Variants in PRDM5 observed in about 807,000 individuals in gnomAD.
PRDM5 encodes PR domain zinc finger protein 5.
In PRDM5, 56 loss-of-function variants were observed where a neutral mutation model predicts 81.2. The observed-to-expected ratio is 0.69, with a 90% CI of 0.56 to 0.86. The LOEUF (loss-of-function observed/expected upper bound fraction) is 0.86, where lower values mean the gene tolerates loss of function less well. PRDM5 is among the 40% of genes least tolerant of loss of function. PRDM5 has a pLI of 0.00. For synonymous variants in PRDM5, 267 were observed against 256.4 expected (o/e 1.04, Z -0.39); for missense variants, 697 against 770.1 (o/e 0.91, Z 1.12).
At chr4:120,865,340 A>C (rs949636152) in intron 2 of PRDM5, among the ~76,000 whole-genome samples, 7 of 152,230 alleles carry the variant, frequency 4.6e-5, no homozygotes, top group African/African-American at 1.7e-4. Flanking sequence ...CTGTTTAAGA[A>C]GAGTAGGGAC....
chr4:120,845,297 T>C (rs1172968835), intron 3 of PRDM5, among the ~76,000 whole-genome samples: 1 of 152,232 alleles, frequency 6.6e-6, no homozygotes, highest in Non-Finnish European at 1.5e-5. Flanking sequence ...AGAATTTTCA[T>C]GGCGAGAGAG....
chr4:120,839,253 CG>C (rs1561448023), intron 3 of PRDM5: 1 of 703,104 alleles, frequency 1.4e-6, no homozygotes, highest in Admixed American at 2.0e-5. Flanking sequence ...CCTCGCCATT[CG>C]GCGGGTCCCA....
At chr4:120,718,203 TTAA>T (rs1277854115) in intron 14 of PRDM5, among the ~76,000 whole-genome samples, 2 of 152,200 alleles carry the variant, frequency 1.3e-5, no homozygotes, top group Admixed American at 1.3e-4. Context: ...GTGTATGCAC[TTAA>T]TGAAATAATT....
intron 15 of PRDM5, among the ~76,000 whole-genome samples, chr4:120,701,620 C>A (rs540956325): frequency 6.6e-6 from 1 of 151,796 alleles, no homozygotes; most frequent in African/African-American, 2.4e-5. Flanking sequence ...TAAGTGGGAG[C>A]TAAACATTAA....
In PRDM5 at chr4:120,741,640, C is replaced by G. The variant is rs568202069; in HGVS notation, c.1623+12913G>C. Among the ~76,000 whole-genome samples the G allele has an allele frequency of 7.2e-5, 11 of 152,178 alleles. No homozygotes were observed. The South Asian group carries it at 1.7e-3, about 23-fold the overall frequency. ...GAAGCACAAAGGGTCAGGGAGTTCCCTTTCCTAATCAAAGAAAGGGGTGAC... is the reference window on the plus strand; with the variant it reads ...GAAGCACAAAGGGTCAGGGAGTTCCGTTTCCTAATCAAAGAAAGGGGTGAC... On this transcript the variant is annotated intron_variant, in intron 14 of 15. Coordinates refer to ENST00000264808, the MANE Select transcript of PRDM5 (RefSeq NM_018699.4).
rs1560874927 is a variant in PRDM5 at position 120,695,189 on chromosome 4, C to T, written c.1815G>A (p.Gln605=). The change falls in exon 16 of 16, where the codon CAG becomes CAA. Residue 605 remains glutamine, a synonymous_variant. Coordinates refer to ENST00000264808, the MANE Select transcript of PRDM5 (RefSeq NM_018699.4). ...HNPNRPLAEC[Q]FCHKKFTRND... ...TCCTTGTAAACTTCTTATGGCAAAA[C>T]TGGCATTCTGCCAGGGGACGATTGG... 1 of 1,613,654 alleles carries T rather than the reference C, an allele frequency of 6.2e-7. No individual in the cohort carries two copies. Among genetic ancestry groups the T allele is most frequent in the South Asian group, 1.1e-5 (1 of 91,082 alleles).
At chr4:120,791,093 T>C (rs1750505151) in intron 10 of PRDM5, among the ~76,000 whole-genome samples, 1 of 152,160 alleles carries the variant, frequency 6.6e-6, no homozygotes, top group African/African-American at 2.4e-5. Flanking sequence ...TTTTATACAC[T>C]GTTAAGAGAA....
intron 10 of PRDM5, among the ~76,000 whole-genome samples, chr4:120,785,677 A>G (rs1749677582): frequency 6.6e-6 from 1 of 152,188 alleles, no homozygotes; most frequent in Admixed American, 6.6e-5. Context: ...AACACTTTAC[A>G]TAAATCATTT....
At chr4:120,715,134 GA>G (rs1388730813) in intron 14 of PRDM5, among the ~76,000 whole-genome samples, 1 of 152,044 alleles carries the variant, frequency 6.6e-6, no homozygotes, top group Non-Finnish European at 1.5e-5. Context: ...CTGACACCAT[GA>G]AAAATCAAGT....
chr4:120,687,431 G>A (rs1334799869), downstream of PRDM5, among the ~76,000 whole-genome samples: 1 of 152,028 alleles, frequency 6.6e-6, no homozygotes, highest in Non-Finnish European at 1.5e-5. Context: ...ATGTCCTCAA[G>A]TTTCCATGTT....
At chr4:120,864,354 C>G (rs1454857443) in intron 2 of PRDM5, among the ~76,000 whole-genome samples, 2 of 152,160 alleles carry the variant, frequency 1.3e-5, no homozygotes, top group African/African-American at 4.8e-5. Flanking sequence ...CTAAAAAGCA[C>G]AGTATCAAAG....
chr4:120,839,839 C>T (rs534814939), intron 3 of PRDM5, among the ~76,000 whole-genome samples: 2 of 152,340 alleles, frequency 1.3e-5, no homozygotes, highest in South Asian at 4.1e-4. Flanking sequence ...CCAACCCCCC[C>T]ACACTCATTG....
At chr4:120,798,226 G>T (rs751286008) in intron 10 of PRDM5, 41 bp downstream of exon 10, 42 of 1,406,650 alleles carry the variant, frequency 3.0e-5, no homozygotes, top group Middle Eastern at 2.5e-4. Context: ...AATCACAGCA[G>T]CAAATTCATA....
intron 13 of PRDM5, among the ~76,000 whole-genome samples, chr4:120,761,935 G>A (rs1250628895): frequency 1.3e-5 from 2 of 152,002 alleles, no homozygotes; most frequent in Non-Finnish European, 2.9e-5. Flanking sequence ...GATAAATTAT[G>A]TGTCATGTAT....
chr4:120,907,188 G>T (rs898774371), intron 2 of PRDM5, among the ~76,000 whole-genome samples: 28 of 152,084 alleles, frequency 1.8e-4, no homozygotes, highest in African/African-American at 6.5e-4. Context: ...TACAAAATTA[G>T]CTGGACATGT....
chr4:120,856,631 A>G (rs564764896), intron 2 of PRDM5, among the ~76,000 whole-genome samples: 2 of 152,332 alleles, frequency 1.3e-5, no homozygotes, highest in East Asian at 3.9e-4. Flanking sequence ...AAAGTAATCT[A>G]ATCCATCATT....
intron 1 of PRDM5, among the ~76,000 whole-genome samples, chr4:120,907,837 A>G (rs1766010517): frequency 6.6e-6 from 1 of 152,214 alleles, no homozygotes; most frequent in Admixed American, 6.5e-5. Flanking sequence ...TGTATTTCAT[A>G]TGTTTCAATC....
At chr4:120,898,098 A>T (rs1356048956) in intron 2 of PRDM5, among the ~76,000 whole-genome samples, 2 of 152,200 alleles carry the variant, frequency 1.3e-5, no homozygotes, top group African/African-American at 4.8e-5. Flanking sequence ...TATCAGGCAG[A>T]GCAGAAACTG....
At chr4:120,909,074 T>C (rs1332640163) in intron 1 of PRDM5, among the ~76,000 whole-genome samples, 2 of 152,192 alleles carry the variant, frequency 1.3e-5, no homozygotes, top group African/African-American at 2.4e-5. Flanking sequence ...AATAATCCTA[T>C]GTGGGAGTTT....
Sources: gnomAD v4.1 joint callset for allele counts (sites outside exome capture counted in the v4.1 genomes callset) on GRCh38, gnomAD v4.1.1 for gene constraint, MANE v1.5 for transcripts, NCBI Gene and HGNC (gene_info 2026-07-23, HGNC 2026-07-21) for gene names.